TRABD2A: variants seen among roughly 807,000 people sequenced by gnomAD.
The protein encoded by TRABD2A is TraB domain containing 2A.
Under a neutral mutation model 45.6 loss-of-function variants are expected in TRABD2A, and 43 were observed. The observed-to-expected ratio is 0.94, with a 90% CI of 0.74 to 1.22. TRABD2A has a LOEUF of 1.22. Among genes scored for constraint, TRABD2A ranks in the 50% most tolerant of loss-of-function variants. The pLI, the probability that TRABD2A is intolerant of heterozygous loss-of-function variation, is 0.00. For synonymous variants in TRABD2A, 269 were observed against 265.0 expected (o/e 1.02, Z -0.15); for missense variants, 642 against 652.4 (o/e 0.98, Z 0.17).
In TRABD2A at chr2:84,830,831, G is replaced by A. The variant is rs1681306967; in HGVS notation, c.1082+1224C>T. On this transcript the variant is annotated intron_variant, in intron 5 of 6. Transcript: ENST00000409520. The surrounding 1 kb of genome is among the most constrained non-coding windows in gnomAD (Gnocchi z 4.9). ...AGGGAGACAAGGTGCAGTGAAGGGGGGCCTTCTGAGGAGAAAGAGGGCAGC... is the reference window on the plus strand; with the variant it reads ...AGGGAGACAAGGTGCAGTGAAGGGGAGCCTTCTGAGGAGAAAGAGGGCAGC... 6.6e-6 allele frequency among the ~76,000 whole-genome samples: 1 copy of A among 152,152 alleles called. No individual in the cohort carries two copies. The highest frequency in any genetic ancestry group is 2.1e-4 in the South Asian group (1 of 4,826).
chr2:84,848,639 G>A (rs1681986363), intron 2 of TRABD2A, among the ~76,000 whole-genome samples: 1 of 151,080 alleles, frequency 6.6e-6, no homozygotes, highest in African/African-American at 2.4e-5. Context: ...GCAATGGCAT[G>A]GTCTCGGCTC....
At chr2:84,840,908 A>T (rs919630580) in intron 3 of TRABD2A, among the ~76,000 whole-genome samples, 2 of 152,042 alleles carry the variant, frequency 1.3e-5, no homozygotes, top group African/African-American at 4.8e-5. Flanking sequence ...TTCTGGGCTG[A>T]TGCTGCACTC....
At chr2:84,851,613 A>G (rs1051054563) in intron 2 of TRABD2A, among the ~76,000 whole-genome samples, 1 of 152,268 alleles carries the variant, frequency 6.6e-6, no homozygotes, top group Admixed American at 6.5e-5. Context: ...CATGACTGCC[A>G]TGTACTCATT....
intron 4 of TRABD2A, chr2:84,835,348 T>C (rs564564494): frequency 6.6e-6 from 1 of 152,310 alleles, no homozygotes; most frequent in African/African-American, 2.4e-5. Flanking sequence ...AATAGAAATT[T>C]ATTTCTCACA....
chr2:84,829,363 AACACACACACACACAC>A (rs146287038), intron 5 of TRABD2A, among the ~76,000 whole-genome samples: 2 of 145,610 alleles, frequency 1.4e-5, no homozygotes, highest in South Asian at 2.2e-4. Context: ...AACAACCAGC[AACACACACACACACAC>A]ACACACACAC....
chr2:84,877,630 A>C (rs1029088212), intron 1 of TRABD2A, among the ~76,000 whole-genome samples: 1 of 152,116 alleles, frequency 6.6e-6, no homozygotes, highest in Admixed American at 6.5e-5. Context: ...GAGAGAGAAA[A>C]CATGGCCATG....
intron 2 of TRABD2A, among the ~76,000 whole-genome samples, chr2:84,849,257 G>T (rs1330388728): frequency 6.6e-6 from 1 of 152,100 alleles, no homozygotes; most frequent in East Asian, 1.9e-4. Context: ...AATCCTGTAA[G>T]GATTCAGGGC....
intron 5 of TRABD2A, among the ~76,000 whole-genome samples, chr2:84,827,668 A>G (rs1681190028): frequency 6.6e-6 from 1 of 152,236 alleles, no homozygotes; most frequent in South Asian, 2.1e-4. Context: ...TTGCAGGTGT[A>G]TTAAGTTAAG....
At chr2:84,843,256 A>C (rs1212391324) in intron 2 of TRABD2A, among the ~76,000 whole-genome samples, 1 of 152,132 alleles carries the variant, frequency 6.6e-6, no homozygotes, top group Non-Finnish European at 1.5e-5. Context: ...TCTTTGCTGC[A>C]ATACAGACAG....
chr2:84,848,026 T>A (rs1050647956), intron 2 of TRABD2A, among the ~76,000 whole-genome samples: 4 of 152,196 alleles, frequency 2.6e-5, no homozygotes, highest in African/African-American at 9.7e-5. Flanking sequence ...CATTTTTGAG[T>A]AGGGCCAACC....
chr2:84,832,763 G>C (rs1273741205), intron 4 of TRABD2A: 1 of 152,048 alleles, frequency 6.6e-6, no homozygotes, highest in Non-Finnish European at 1.5e-5. Flanking sequence ...TCATGCCACT[G>C]CATTCCAGCC....
chr2:84,842,624 G>A (rs1681749939), intron 2 of TRABD2A, among the ~76,000 whole-genome samples: 1 of 151,908 alleles, frequency 6.6e-6, no homozygotes, highest in South Asian at 2.1e-4. Context: ...AGCTACTTGG[G>A]AGGCTAAGGC....
At chr2:84,845,317 A>G (rs185239723) in intron 2 of TRABD2A, among the ~76,000 whole-genome samples, 2 of 152,228 alleles carry the variant, frequency 1.3e-5, no homozygotes, top group African/African-American at 2.4e-5. Flanking sequence ...GTGCCACTGC[A>G]CTCCAGCCTG....
chr2:84,858,222 C>T (rs1428526288), intron 2 of TRABD2A, among the ~76,000 whole-genome samples: 1 of 152,118 alleles, frequency 6.6e-6, no homozygotes, highest in African/African-American at 2.4e-5. Flanking sequence ...CCGTTCTATG[C>T]ATAGAACACA....
chr2:84,838,742 CA>C (rs1408300312), intron 4 of TRABD2A, among the ~76,000 whole-genome samples: 1 of 152,218 alleles, frequency 6.6e-6, no homozygotes, highest in African/African-American at 2.4e-5. Flanking sequence ...CAGTCAATAA[CA>C]GCTGATGTAT....
chr2:84,862,100 T>C (rs1338889763), intron 2 of TRABD2A, among the ~76,000 whole-genome samples: 1 of 152,162 alleles, frequency 6.6e-6, no homozygotes, highest in Non-Finnish European at 1.5e-5. Flanking sequence ...CAGCCCCCAC[T>C]TCCTCTGTCC....
intron 2 of TRABD2A, among the ~76,000 whole-genome samples, chr2:84,861,307 A>G (rs1682490585): frequency 6.6e-6 from 1 of 152,182 alleles, no homozygotes; most frequent in South Asian, 2.1e-4. Context: ...ACAACTCTCC[A>G]TAGAGTAGAA....
chr2:84,824,076 G>A lies in TRABD2A; in HGVS notation c.1211C>T (p.Ser404Phe), dbSNP rs933687100. Residue 404 changes from serine to phenylalanine, a missense_variant, in exon 6 of 7, where the codon TCC becomes TTC. Coordinates refer to ENST00000409520, the MANE Select transcript of TRABD2A (RefSeq NM_001277053.2). ...SGHSTLPPLV[S>F]RPGSADTPSE... is the part of the protein sequence containing the mutation. ...GGGCGTGTCGGCACTTCCAGGCCGG[G>A]ACACAAGGGGAGGCAGCGTTGAGTG... The A allele has an allele frequency of 6.2e-7, 1 of 1,613,754 alleles. No individual in the cohort carries two copies.
intron 4 of TRABD2A, 198 bp downstream of exon 4, chr2:84,838,951 C>T: frequency 1.7e-6 from 1 of 579,828 alleles, no homozygotes; most frequent in Non-Finnish European, 3.0e-6. Context: ...ACCAGCTCAT[C>T]CAGCAACATT....
Sources: gnomAD v4.1 joint callset for allele counts (sites outside exome capture counted in the v4.1 genomes callset) on GRCh38, gnomAD v4.1.1 for gene constraint, Gnocchi (gnomAD v3.1) non-coding constraint, MANE v1.5 for transcripts, NCBI Gene and HGNC (gene_info 2026-07-23, HGNC 2026-07-21) for gene names.